TTC27: variants seen among roughly 807,000 people sequenced by gnomAD.
TTC27 encodes the protein tetratricopeptide repeat protein 27.
A neutral mutation model predicts 115.9 loss-of-function variants in TTC27; 79 were observed. The ratio of observed to expected loss-of-function variants is 0.68; its 90% CI spans 0.57 to 0.82. The LOEUF (loss-of-function observed/expected upper bound fraction) is 0.82. Ranked by LOEUF, TTC27 falls within the 40% of genes least tolerant of loss-of-function variation. The pLI, the probability that TTC27 is intolerant of heterozygous loss-of-function variation, is 0.00. For synonymous variants in TTC27, 401 were observed against 356.0 expected (o/e 1.13, Z -1.42); for missense variants, 1,054 against 993.1 (o/e 1.06, Z -0.82).
intron 10 of TTC27, among the ~76,000 whole-genome samples, chr2:32,715,253 G>A (rs950950263): frequency 6.6e-6 from 1 of 152,116 alleles, no homozygotes; most frequent in African/African-American, 2.4e-5. Flanking sequence ...TTTTGCATAT[G>A]GGGTAAGAAA....
chr2:32,648,088 G>A (rs1047482521), intron 4 of TTC27, among the ~76,000 whole-genome samples: 1 of 152,096 alleles, frequency 6.6e-6, no homozygotes. Context: ...GGAGGAGGAT[G>A]ATATTGGGGC....
intron 16 of TTC27, among the ~76,000 whole-genome samples, chr2:32,805,336 C>T (rs941348682): frequency 6.6e-6 from 1 of 152,210 alleles, no homozygotes; most frequent in African/African-American, 2.4e-5. Flanking sequence ...TTTTCATCTC[C>T]TCATCCTTAT....
intron 5 of TTC27, among the ~76,000 whole-genome samples, chr2:32,661,878 C>T (rs1267151365): frequency 6.6e-6 from 1 of 152,120 alleles, no homozygotes; most frequent in African/African-American, 2.4e-5. Flanking sequence ...AGCTTTTGCC[C>T]ATTCAGTATG....
At chr2:32,628,751 T>C (rs751415338) in intron 1 of TTC27, among the ~76,000 whole-genome samples, 19 of 125,620 alleles carry the variant, frequency 1.5e-4, no homozygotes, top group African/African-American at 2.9e-4. Context: ...ATTTATTTAT[T>C]TATTTATTTA....
chr2:32,741,478 CTAA>C (rs1668635047), intron 12 of TTC27, among the ~76,000 whole-genome samples: 3 of 148,642 alleles, frequency 2.0e-5, no homozygotes, highest in Non-Finnish European at 4.5e-5. Context: ...CCCATCTCTA[CTAA>C]AAATACAAAA....
intron 8 of TTC27, among the ~76,000 whole-genome samples, chr2:32,673,225 AT>A (rs35513295): frequency 1.7e-4 from 23 of 132,480 alleles, no homozygotes; most frequent in South Asian, 7.1e-4. Context: ...CACCTTATGC[AT>A]TTTTTTTTTT....
At chr2:32,820,432 G>T (rs769163481) in intron 19 of TTC27, among the ~76,000 whole-genome samples, 1 of 152,122 alleles carries the variant, frequency 6.6e-6, no homozygotes, top group Non-Finnish European at 1.5e-5. Flanking sequence ...AGCATAAAGG[G>T]TATGATTTAT....
At chr2:32,667,668 G>A (rs1271101543) in intron 7 of TTC27, among the ~76,000 whole-genome samples, 6 of 150,612 alleles carry the variant, frequency 4.0e-5, no homozygotes, top group Non-Finnish European at 7.4e-5. Context: ...CACCCGTCTC[G>A]GCCTCCCAAA....
chr2:32,742,081 C>T (rs1208029634), intron 12 of TTC27, among the ~76,000 whole-genome samples: 1 of 152,314 alleles, frequency 6.6e-6, no homozygotes, highest in Admixed American at 6.5e-5. Context: ...TTGTCATATG[C>T]TATTCATAAC....
Position 32,650,224 on chromosome 2 carries a change from A to G in TTC27, c.631A>G (p.Ile211Val). 1 of 1,613,064 alleles carries G rather than the reference A, an allele frequency of 6.2e-7. No individual in the cohort carries two copies. Among genetic ancestry groups the G allele is most frequent in the Non-Finnish European group, 8.5e-7 (1 of 1,179,420 alleles). ...PLLFTLAENC[I>V]DQVMKLQNLF... ...GCTTTTTACTCTTGCCGAAAACTGT[A>G]TTGATCAAGGTATGTAGCAGATTTT... Residue 211 changes from isoleucine to valine, a missense_variant, in exon 5 of 20, where the codon ATT (isoleucine) becomes GTT (valine). Coordinates refer to ENST00000317907, the MANE Select transcript of TTC27 (RefSeq NM_017735.5).
intron 8 of TTC27, among the ~76,000 whole-genome samples, chr2:32,676,416 A>G (rs994764877): frequency 2.6e-5 from 4 of 151,698 alleles, no homozygotes; most frequent in Non-Finnish European, 5.9e-5. Flanking sequence ...ATTTATGGTC[A>G]TTATAAAATC....
At chr2:32,678,783 T>C (rs1666316931) in intron 8 of TTC27, 73 bp from the exon 9 acceptor site, 1 of 1,205,536 alleles carries the variant, frequency 8.3e-7, no homozygotes, top group South Asian at 1.4e-5. Flanking sequence ...TTTACTTTGC[T>C]TTTTAAAAAT....
chr2:32,644,093 A>C (rs1002547653), intron 4 of TTC27, among the ~76,000 whole-genome samples: 25 of 149,786 alleles, frequency 1.7e-4, no homozygotes, highest in African/African-American at 5.9e-4. Flanking sequence ...AGGCAGGAGA[A>C]TTGCTTGAAC....
chr2:32,767,443 GT>G (rs150586627), intron 13 of TTC27, among the ~76,000 whole-genome samples: 1 of 112,208 alleles, frequency 8.9e-6, no homozygotes, highest in Admixed American at 9.7e-5. Context: ...ATATTTATAA[GT>G]TTTTTTTTGT....
intron 3 of TTC27, among the ~76,000 whole-genome samples, chr2:32,635,567 C>T (rs1364331305): frequency 6.6e-6 from 1 of 151,974 alleles, no homozygotes; most frequent in Non-Finnish European, 1.5e-5. Context: ...GCTTGTAATC[C>T]CAGCTACTCA....
chr2:32,707,951 A>G (rs1667434760), intron 10 of TTC27, among the ~76,000 whole-genome samples: 1 of 151,984 alleles, frequency 6.6e-6, no homozygotes, highest in Non-Finnish European at 1.5e-5. Flanking sequence ...GAAGTAAGGT[A>G]GTACTTAACA....
intron 16 of TTC27, among the ~76,000 whole-genome samples, chr2:32,802,571 A>G (rs748283576): frequency 1.6e-4 from 25 of 152,140 alleles, no homozygotes; most frequent in Non-Finnish European, 2.8e-4. Flanking sequence ...GCTGTTGTCA[A>G]GTTCCGACTT....
intron 13 of TTC27, among the ~76,000 whole-genome samples, chr2:32,760,405 A>G (rs1279797310): frequency 6.6e-6 from 1 of 152,118 alleles, no homozygotes; most frequent in East Asian, 1.9e-4. Context: ...TTTGGTTTTG[A>G]CAGTGGGGAC....
At chr2:32,785,178 T>C (rs1670306306) in intron 15 of TTC27, among the ~76,000 whole-genome samples, 1 of 152,264 alleles carries the variant, frequency 6.6e-6, no homozygotes, top group African/African-American at 2.4e-5. Context: ...TCTTCTGTCA[T>C]CTTACTGCTG....
Sources: gnomAD v4.1 joint callset for allele counts (sites outside exome capture counted in the v4.1 genomes callset) on GRCh38, gnomAD v4.1.1 for gene constraint, MANE v1.5 for transcripts, NCBI Gene and HGNC (gene_info 2026-07-23, HGNC 2026-07-21) for gene names.